HDAC9: variants seen among roughly 807,000 people sequenced by gnomAD.
HDAC9 encodes histone deacetylase 9, also known as MEF-2 interacting transcription repressor (MITR) protein.
In HDAC9, 41 loss-of-function variants were observed where a neutral mutation model predicts 139.4. The ratio of observed to expected loss-of-function variants is 0.29; its 90% confidence interval spans 0.23 to 0.38. The LOEUF (loss-of-function observed/expected upper bound fraction) is 0.38, where lower values mean the gene tolerates loss of function less well. Ranked by LOEUF, HDAC9 falls within the 10% of genes least tolerant of loss-of-function variation. The probability of loss-of-function intolerance (pLI) is 1.00; values close to 1 mark genes in which losing one functional copy is unlikely to be tolerated. For missense variants in HDAC9, 1,147 were observed against 1,297.0 expected (o/e 0.88, Z 1.78); for synonymous variants, 517 against 476.2 (o/e 1.09, Z -1.12).
upstream of HDAC9, among the ~76,000 whole-genome samples, chr7:18,285,696 G>C (rs982640418): frequency 6.6e-6 from 1 of 152,052 alleles, no homozygotes; most frequent in Non-Finnish European, 1.5e-5. Flanking sequence ...GTGAAGTTGA[G>C]TGTTATGTCT....
At chr7:18,161,660 T>C (rs1787636039) in intron 1 of HDAC9, among the ~76,000 whole-genome samples, 1 of 152,194 alleles carries the variant, frequency 6.6e-6, no homozygotes, top group African/African-American at 2.4e-5. Context: ...AGAAAGGCTA[T>C]GGTTGCTATT....
intron 1 of HDAC9, among the ~76,000 whole-genome samples, chr7:18,425,396 T>C (rs1000738722): frequency 2.0e-5 from 3 of 152,022 alleles, no homozygotes; most frequent in African/African-American, 4.8e-5. Context: ...AAGAGAAAAA[T>C]GCAGAGCTGA....
intron 1 of HDAC9, among the ~76,000 whole-genome samples, chr7:18,157,804 T>A (rs891933133): frequency 4.6e-5 from 5 of 109,478 alleles, no homozygotes; most frequent in South Asian, 3.6e-4. Flanking sequence ...TTCTAAGGCA[T>A]GAGAGAGAGA....
intron 2 of HDAC9, among the ~76,000 whole-genome samples, chr7:18,185,584 A>G (rs1263249686): frequency 6.6e-6 from 1 of 152,226 alleles, no homozygotes; most frequent in Non-Finnish European, 1.5e-5. Context: ...TGTTACAAGC[A>G]TAGATAAGAG....
chr7:18,123,975 C>G (rs1174152900), intron 1 of HDAC9, among the ~76,000 whole-genome samples: 2 of 152,130 alleles, frequency 1.3e-5, no homozygotes, highest in Non-Finnish European at 2.9e-5. Flanking sequence ...GGGGTGCTAT[C>G]TTAATCTTAC....
chr7:18,117,518 A>G (rs1311310365), intron 1 of HDAC9, among the ~76,000 whole-genome samples: 4 of 151,850 alleles, frequency 2.6e-5, no homozygotes, highest in South Asian at 2.1e-4. Context: ...AAAAAAAAAA[A>G]AGAGAAGAGA....
At chr7:18,613,998 C>G (rs1394851500) in intron 6 of HDAC9, among the ~76,000 whole-genome samples, 1 of 152,000 alleles carries the variant, frequency 6.6e-6, no homozygotes, top group South Asian at 2.1e-4. Context: ...GTTGCATTGT[C>G]TCTTCTATTT....
At chr7:18,348,230 A>G (rs991686363) in intron 1 of HDAC9, among the ~76,000 whole-genome samples, 9 of 152,202 alleles carry the variant, frequency 5.9e-5, no homozygotes, top group African/African-American at 1.9e-4. Context: ...TTAATTAATT[A>G]TAGAGGCAAT....
At chr7:18,205,360 GTCT>G (rs1186542593) in intron 2 of HDAC9, among the ~76,000 whole-genome samples, 7 of 151,772 alleles carry the variant, frequency 4.6e-5, no homozygotes, top group African/African-American at 1.7e-4. Context: ...GTAGGTTCAG[GTCT>G]TCTTTTCCAA....
chr7:18,323,111 T>C (rs1220884110), intron 1 of HDAC9, among the ~76,000 whole-genome samples: 1 of 152,170 alleles, frequency 6.6e-6, no homozygotes, highest in African/African-American at 2.4e-5. Context: ...TAAGGCCTCC[T>C]CATGTTAGAA....
intron 2 of HDAC9, among the ~76,000 whole-genome samples, chr7:18,259,855 C>T (rs147052019): frequency 6.6e-6 from 1 of 152,248 alleles, no homozygotes; most frequent in African/African-American, 2.4e-5. Context: ...AAAAATCTTA[C>T]CTCTTTTAGA....
At chr7:18,563,210 G>A (rs569449161) in intron 2 of HDAC9, among the ~76,000 whole-genome samples, 3 of 152,096 alleles carry the variant, frequency 2.0e-5, no homozygotes, top group Non-Finnish European at 2.9e-5. Flanking sequence ...CAATGTGGCC[G>A]TAATAGTGCT....
intron 14 of HDAC9, among the ~76,000 whole-genome samples, chr7:18,749,350 C>T (rs1788250758): frequency 6.6e-6 from 1 of 152,172 alleles, no homozygotes; most frequent in South Asian, 2.1e-4. Flanking sequence ...AGCTGAGCAG[C>T]TGCCTGATGT....
At chr7:18,679,434 C>T (rs187985857) in intron 12 of HDAC9, among the ~76,000 whole-genome samples, 2 of 151,866 alleles carry the variant, frequency 1.3e-5, no homozygotes, top group Admixed American at 1.3e-4. Context: ...TTTTTCTAAT[C>T]TCCATTTAAA....
At chr7:18,751,851 G>A (rs944536109) in intron 14 of HDAC9, among the ~76,000 whole-genome samples, 1 of 152,040 alleles carries the variant, frequency 6.6e-6, no homozygotes, top group African/African-American at 2.4e-5. Flanking sequence ...TTTACCAGAA[G>A]AGTAAGGGAG....
chr7:18,112,821 C>T (rs1783714247), intron 1 of HDAC9, among the ~76,000 whole-genome samples: 1 of 152,110 alleles, frequency 6.6e-6, no homozygotes, highest in Admixed American at 6.6e-5. Context: ...AGAAGCAGGT[C>T]ACACGTACTT....
At chr7:18,844,188 T>G (rs1317170869) in intron 21 of HDAC9, among the ~76,000 whole-genome samples, 1 of 152,204 alleles carries the variant, frequency 6.6e-6, no homozygotes, top group African/African-American at 2.4e-5. Context: ...AATCTGCCCA[T>G]CTTTCTTGTG....
chr7:18,385,701 C>T (rs1785858811), intron 1 of HDAC9, among the ~76,000 whole-genome samples: 1 of 152,100 alleles, frequency 6.6e-6, no homozygotes, highest in South Asian at 2.1e-4. Flanking sequence ...TTAGAATATA[C>T]CTCTAAACAA....
At chr7:18,407,858 C>T (rs1788160834) in intron 1 of HDAC9, among the ~76,000 whole-genome samples, 1 of 152,106 alleles carries the variant, frequency 6.6e-6, no homozygotes, top group African/African-American at 2.4e-5. Context: ...CAGAAAATGT[C>T]TTTCAGTAGG....
Sources: allele counts gnomAD v4.1 joint callset (sites outside exome capture counted in the v4.1 genomes callset), GRCh38; gene constraint gnomAD v4.1.1; transcripts MANE v1.5; gene names NCBI Gene and HGNC (gene_info 2026-07-23, HGNC 2026-07-21).